Variants in PDZRN4 observed in about 807,000 individuals in gnomAD.
PDZRN4 encodes the protein PDZ domain-containing RING finger protein 4.
Under a neutral mutation model 99.0 loss-of-function variants are expected in PDZRN4, and 70 were observed. That is an observed-to-expected ratio of 0.71 (90% confidence interval 0.58 to 0.86). PDZRN4 has a LOEUF of 0.86. Ranked by LOEUF, PDZRN4 falls within the 40% of genes least tolerant of loss-of-function variation. The pLI is 0.00. For synonymous variants in PDZRN4, 551 were observed against 501.6 expected (o/e 1.10, Z -1.32); for missense variants, 1,474 against 1,331.2 (o/e 1.11, Z -1.67).
At chr12:41,375,034 C>T (rs765955673) in intron 3 of PDZRN4, among the ~76,000 whole-genome samples, 2 of 152,102 alleles carry the variant, frequency 1.3e-5, no homozygotes, top group African/African-American at 2.4e-5. Flanking sequence ...AGAACAGTTT[C>T]GTAGACAGGC....
intron 3 of PDZRN4, among the ~76,000 whole-genome samples, chr12:41,485,908 A>G (rs1937764849): frequency 6.6e-6 from 1 of 152,198 alleles, no homozygotes; most frequent in East Asian, 1.9e-4. Flanking sequence ...CTGTTAAATT[A>G]GTTAAAAAAT....
chr12:41,367,944 A>G (rs912250343), intron 3 of PDZRN4, among the ~76,000 whole-genome samples: 1 of 152,132 alleles, frequency 6.6e-6, no homozygotes, highest in Non-Finnish European at 1.5e-5. Context: ...GTGACTGCTG[A>G]GAGAACAGAT....
intron 5 of PDZRN4, among the ~76,000 whole-genome samples, chr12:41,521,966 C>T (rs1938499675): frequency 6.6e-6 from 1 of 152,030 alleles, no homozygotes; most frequent in African/African-American, 2.4e-5. Flanking sequence ...TAGTGTTTTT[C>T]CAAGGGAATG....
intron 8 of PDZRN4, among the ~76,000 whole-genome samples, chr12:41,565,448 T>TAA (rs60759503): frequency 1.7e-4 from 25 of 144,724 alleles, no homozygotes; most frequent in Admixed American, 3.4e-4. Flanking sequence ...AAAAAAAAAC[T>TAA]AAAAAAAAAA....
intron 3 of PDZRN4, among the ~76,000 whole-genome samples, chr12:41,379,827 T>A (rs1334839777): frequency 6.6e-6 from 1 of 152,058 alleles, no homozygotes; most frequent in African/African-American, 2.4e-5. Flanking sequence ...ATTTTGCTTC[T>A]GTTGGATGAA....
chr12:41,188,557 G>T lies in PDZRN4; in HGVS notation c.102G>T (p.Gly34=), dbSNP rs1177699767. ...AAGAGCCCCTGTGCACGCCGTGCGG[G>T]CACGTCTTCTGCGCCAGCTGCCTGT... is the stretch of plus-strand genomic sequence containing the variant. The part of the protein sequence containing the change: ...VLEEPLCTPC[G]HVFCASCLLP... Residue 34 remains glycine (G), a synonymous_variant, in exon 1 of 10, where the codon GGG becomes GGT. Transcript: ENST00000402685. 2 of 1,557,008 alleles carry T rather than the reference G, an allele frequency of 1.3e-6. No homozygotes were observed. Among genetic ancestry groups the T allele is most frequent in the Non-Finnish European group, 1.7e-6 (2 of 1,158,914 alleles).
chr12:41,542,515 G>A (rs918731572), intron 5 of PDZRN4, among the ~76,000 whole-genome samples: 13 of 152,096 alleles, frequency 8.5e-5, no homozygotes, highest in Admixed American at 5.9e-4. Context: ...TGGATAATAC[G>A]CTTCATTCAG....
intron 3 of PDZRN4, among the ~76,000 whole-genome samples, chr12:41,391,629 G>A (rs184331565): frequency 2.6e-5 from 4 of 152,114 alleles, no homozygotes; most frequent in Admixed American, 2.0e-4. Context: ...ACTTCTAACC[G>A]ACCAATTTCT....
At chr12:41,291,731 T>C (rs144730630) in intron 3 of PDZRN4, among the ~76,000 whole-genome samples, 59 of 152,188 alleles carry the variant, frequency 3.9e-4, no homozygotes, top group African/African-American at 1.4e-3. Context: ...GTGAAGAGAA[T>C]AAGATTATGA....
chr12:41,373,205 CG>C (rs71434356), intron 3 of PDZRN4, among the ~76,000 whole-genome samples: 22,699 of 152,010 alleles, frequency 0.15, 1,919 homozygotes, highest in South Asian at 0.25. Flanking sequence ...ACCACAGGAC[CG>C]GGGTGAAATT....
At chr12:41,388,333 C>T (rs928893704) in intron 3 of PDZRN4, among the ~76,000 whole-genome samples, 9 of 151,428 alleles carry the variant, frequency 5.9e-5, no homozygotes, top group African/African-American at 2.2e-4. Context: ...AATAATCTTA[C>T]AAGTTTACCT....
intron 3 of PDZRN4, among the ~76,000 whole-genome samples, chr12:41,220,921 C>G (rs1472783895): frequency 6.6e-6 from 1 of 152,186 alleles, no homozygotes; most frequent in Admixed American, 6.5e-5. Context: ...CATACACTGC[C>G]TATAACCCAG....
In PDZRN4 at chr12:41,188,479, C is replaced by A. The variant is rs533339811; in HGVS notation, c.24C>A (p.Phe8Leu). 1.3e-6 allele frequency: 2 copies of A among 1,592,210 alleles called. No homozygotes were observed. Among genetic ancestry groups the A allele is most frequent in the Admixed American group, 3.4e-5 (2 of 59,542 alleles). MGFALER[F>L]AEAVDPALEC... Reference sequence around the variant, plus strand: ...ACATGGGCTTTGCCCTGGAGCGCTTCGCAGAAGCCGTGGACCCGGCTCTGG... The same window carrying A: ...ACATGGGCTTTGCCCTGGAGCGCTTAGCAGAAGCCGTGGACCCGGCTCTGG... The change falls in exon 1 of 10, where the codon TTC becomes TTA. Residue 8 changes from phenylalanine to leucine, a missense_variant. Coordinates refer to ENST00000402685, the MANE Select transcript of PDZRN4 (RefSeq NM_001164595.2).
chr12:41,273,144 T>A (rs1313025338), intron 3 of PDZRN4, among the ~76,000 whole-genome samples: 1 of 152,034 alleles, frequency 6.6e-6, no homozygotes, highest in East Asian at 1.9e-4. Flanking sequence ...TGGATCAATT[T>A]TATTCATTCA....
intron 3 of PDZRN4, among the ~76,000 whole-genome samples, chr12:41,250,857 C>T (rs1354892021): frequency 1.3e-5 from 2 of 152,186 alleles, no homozygotes; most frequent in African/African-American, 4.8e-5. Context: ...TTTGTCAACC[C>T]TCCAGAAATT....
intron 3 of PDZRN4, among the ~76,000 whole-genome samples, chr12:41,287,963 T>G (rs1406943911): frequency 6.6e-6 from 1 of 152,206 alleles, no homozygotes; most frequent in Non-Finnish European, 1.5e-5. Flanking sequence ...GACTTAGGAT[T>G]ATCAGTGAAG....
rs11180962 is a variant in PDZRN4, at chr12:41,497,480, C to T, written c.844-8976C>T. On this transcript the variant is annotated intron_variant, in intron 3 of 9. Transcript: ENST00000402685. ...TAGGTTTATTAATAATCACCTACAT[C>T]AGTTTAGTATTACGTTAGGAAGTAA... 6.1e-3 allele frequency among the ~76,000 whole-genome samples: 929 copies of T among 152,182 alleles called. 41 individuals carry two copies. The East Asian group carries it at 0.13, about 21-fold the overall frequency.
chr12:41,288,171 G>A lies in PDZRN4; in HGVS notation c.843+93983G>A, dbSNP rs78881237. On this transcript the variant is annotated intron_variant, in intron 3 of 9. Transcript: ENST00000402685. The stretch of plus-strand genomic sequence containing the variant: ...TATGAGTAATACAGAGCTCTTCAGC[G>A]GGCATTATGTACTGTAGGTAATAAA... 4.6e-3 allele frequency among the ~76,000 whole-genome samples: 695 copies of A among 152,138 alleles called. 2 individuals carry two copies. The highest frequency in any genetic ancestry group is 6.7e-3 in the Non-Finnish European group (457 of 68,000).
At chr12:41,210,766 G>T (rs1372295208) in intron 3 of PDZRN4, among the ~76,000 whole-genome samples, 2 of 151,838 alleles carry the variant, frequency 1.3e-5, no homozygotes, top group African/African-American at 2.4e-5. Context: ...CATATTTTTT[G>T]TGTATTTCCT....
Sources: gnomAD v4.1 joint callset for allele counts (sites outside exome capture counted in the v4.1 genomes callset) on GRCh38, gnomAD v4.1.1 for gene constraint, MANE v1.5 for transcripts, NCBI Gene and HGNC (gene_info 2026-07-23, HGNC 2026-07-21) for gene names.